ANKRD13D: variants seen among roughly 807,000 people sequenced by gnomAD.
ANKRD13D encodes the protein ankyrin repeat domain 13D.
A neutral mutation model predicts 68.8 loss-of-function variants in ANKRD13D; 24 were observed. The ratio of observed to expected loss-of-function variants is 0.35; its 90% confidence interval spans 0.25 to 0.49. The LOEUF (loss-of-function observed/expected upper bound fraction) is 0.49. Ranked by LOEUF, ANKRD13D falls within the 20% of genes least tolerant of loss-of-function variation. The pLI, the probability that ANKRD13D is intolerant of heterozygous loss-of-function variation, is 0.99. For synonymous variants in ANKRD13D, 331 were observed against 336.1 expected (o/e 0.98, Z 0.16); for missense variants, 735 against 832.1 (o/e 0.88, Z 1.44).
intron 1 of ANKRD13D, 125 bp downstream of exon 1, chr11:67,289,675 C>G (rs1860451246): frequency 8.0e-7 from 1 of 1,251,360 alleles, no homozygotes; most frequent in South Asian, 1.5e-5. Context: ...GGGCCTTCCT[C>G]CCCTGCACGA....
At position 67,299,282 on chromosome 11, in the gene ANKRD13D, AG is replaced by A. The variant is rs1860881336; in HGVS notation, c.798+161del. ...AGTGCCCAGCCCCTGCGGAGTACACAGGGCTCACCCACATCATGGGCCCCTA... is the reference window on the plus strand; with the variant it reads ...AGTGCCCAGCCCCTGCGGAGTACACAGGCTCACCCACATCATGGGCCCCTA... On this transcript the variant is annotated intron_variant, in intron 7 of 14. Transcript: ENST00000511455. The surrounding 1 kb of genome is among the most constrained non-coding windows in gnomAD (Gnocchi z 6.2). 1.2e-6 allele frequency: 1 copy of A among 868,408 alleles called. No homozygotes were observed. The highest frequency in any genetic ancestry group is 1.7e-5 in the African/African-American group (1 of 59,642). 53.8% of individuals were successfully genotyped at this position (868,408 alleles called of 1,614,324 possible). A position where few individuals can be genotyped will look rare whatever the true frequency, so the allele number is the denominator to read the frequency against.
At chr11:67,289,591 C>G in intron 1 of ANKRD13D, 41 bp downstream of exon 1, 2 of 1,505,900 alleles carry the variant, frequency 1.3e-6, no homozygotes, top group South Asian at 1.2e-5. Flanking sequence ...CCCCGGGTCC[C>G]CCACCCAAGG....
intron 6 of ANKRD13D, among the ~76,000 whole-genome samples, chr11:67,294,547 G>GT (rs1014060415): frequency 1.9e-3 from 277 of 143,844 alleles, no homozygotes; most frequent in Middle Eastern, 3.6e-3. Flanking sequence ...TTGTTTTTTT[G>GT]TTTTTTTTTT....
Position 67,300,174 on chromosome 11 carries a change from A to G in ANKRD13D, c.1073+51A>G, listed in dbSNP as rs1398659232. On this transcript the variant is annotated intron_variant, in intron 10 of 14. Transcript: ENST00000511455. The surrounding 1 kb of genome is among the most constrained non-coding windows in gnomAD (Gnocchi z 4.3). Reference sequence around the variant, plus strand: ...CTTGCCTCGGGACAAGGGCTCTTGCAGACCCCTCTCTGGGCCTGTCATAGT... The same window carrying G: ...CTTGCCTCGGGACAAGGGCTCTTGCGGACCCCTCTCTGGGCCTGTCATAGT... 2 of 1,608,596 alleles carry G rather than the reference A, an allele frequency of 1.2e-6. No homozygotes were observed. Among genetic ancestry groups the G allele is most frequent in the East Asian group, 2.2e-5 (1 of 44,852 alleles).
Position 67,301,452 on chromosome 11 carries a change from C to G in ANKRD13D, c.1349-36C>G, listed in dbSNP as rs756537010. ...GCACAGCTTTCTGGTCACCAAGCCCCGCGGGTTGAGCGTGGCCCCTCTGCC... is the reference window on the plus strand; with the variant it reads ...GCACAGCTTTCTGGTCACCAAGCCCGGCGGGTTGAGCGTGGCCCCTCTGCC... On this transcript the variant is annotated intron_variant, in intron 12 of 14. Coordinates refer to ENST00000511455, the MANE Select transcript of ANKRD13D (RefSeq NM_207354.3). The surrounding 1 kb of genome is among the most constrained non-coding windows in gnomAD (Gnocchi z 4.5). The G allele has an allele frequency of 4.4e-6, 7 of 1,608,092 alleles. No homozygotes were observed. Among genetic ancestry groups the G allele is most frequent in the Non-Finnish European group, 4.2e-6 (5 of 1,176,560 alleles).
chr11:67,299,013 G>A lies in ANKRD13D; in HGVS notation c.732-45G>A, dbSNP rs773604957. The A allele has an allele frequency of 1.1e-5, 17 of 1,602,532 alleles. No homozygotes were observed. In the East Asian group the frequency reaches 1.6e-4, roughly 15 times the overall value. On this transcript the variant is annotated intron_variant, in intron 6 of 14. Transcript: ENST00000511455. The surrounding 1 kb of genome is among the most constrained non-coding windows in gnomAD (Gnocchi z 6.2). ...TTTGGAAAGGAAGGCTTTGGCCAGC[G>A]TGTGAGGGTGCAGGTCTCACCAGCT...
At chr11:67,294,539 G>T (rs996526345) in intron 6 of ANKRD13D, among the ~76,000 whole-genome samples, 4 of 149,974 alleles carry the variant, frequency 2.7e-5, no homozygotes, top group Non-Finnish European at 3.0e-5. Flanking sequence ...GTTTTGTTTT[G>T]TTTTTTTGTT....
In ANKRD13D at chr11:67,299,207, G is replaced by A; in HGVS notation, c.798+83G>A. ...TCCTCTCCACATCCATCCCAGAGTAGCCCCTGGGCTCTGGAAACCCTGAGC... is the reference window on the plus strand; with the variant it reads ...TCCTCTCCACATCCATCCCAGAGTAACCCCTGGGCTCTGGAAACCCTGAGC... On this transcript the variant is annotated intron_variant, in intron 7 of 14. Transcript: ENST00000511455. The surrounding 1 kb of genome is among the most constrained non-coding windows in gnomAD (Gnocchi z 6.2). The A allele has an allele frequency of 6.6e-7, 1 of 1,521,110 alleles. No homozygotes were observed. 94.2% of individuals were successfully genotyped at this position (1,521,110 alleles called of 1,614,324 possible). A position where few individuals can be genotyped will look rare whatever the true frequency, so the allele number is the denominator to read the frequency against.
Position 67,296,652 on chromosome 11 carries a change from CAG to C in ANKRD13D, c.732-2403_732-2402del, listed in dbSNP as rs564707226. On this transcript the variant is annotated intron_variant, in intron 6 of 14. Transcript: ENST00000511455. Reference sequence around the variant, plus strand: ...GTTTTGTTTTGTTTTGTTTTTGAGACAGAGTCTTACTCTGTCACCCAGGCTGA... The same window carrying C: ...GTTTTGTTTTGTTTTGTTTTTGAGACAGTCTTACTCTGTCACCCAGGCTGA... Among the ~76,000 whole-genome samples, 397 of 150,644 alleles carry C rather than the reference CAG, an allele frequency of 2.6e-3. 2 individuals carry two copies. Among genetic ancestry groups the C allele is most frequent in the African/African-American group, 9.4e-3 (383 of 40,940 alleles).
intron 6 of ANKRD13D, among the ~76,000 whole-genome samples, chr11:67,293,373 C>T (rs1226832812): frequency 6.6e-6 from 1 of 152,194 alleles, no homozygotes; most frequent in Admixed American, 6.5e-5. Flanking sequence ...TGATAGCTCA[C>T]TGTGATTTTG....
Position 67,300,819 on chromosome 11 carries a change from G to C in ANKRD13D, c.1074-171G>C, listed in dbSNP as rs1046476964. 1.3e-6 allele frequency: 1 copy of C among 789,538 alleles called. No individual in the cohort carries two copies. The highest frequency in any genetic ancestry group is 1.8e-5 in the African/African-American group (1 of 57,096). The allele number at this position is 789,538 out of a possible 1,614,324, so 48.9% of individuals were successfully genotyped here. On this transcript the variant is annotated intron_variant, in intron 10 of 14. Coordinates refer to ENST00000511455, the MANE Select transcript of ANKRD13D (RefSeq NM_207354.3). The surrounding 1 kb of genome is among the most constrained non-coding windows in gnomAD (Gnocchi z 4.3). ...CAGGGAGGAGGGCAGCTTGGGCCAC[G>C]TGGCCAGGACACCAGCTCCCGGGGG...
intron 6 of ANKRD13D, 80 bp from the exon 7 acceptor site, chr11:67,298,978 T>C (rs973953882): frequency 6.6e-7 from 1 of 1,506,286 alleles, no homozygotes; most frequent in Admixed American, 1.7e-5. Context: ...GCAGGCTGGC[T>C]GGAGGGGGCT....
intron 14 of ANKRD13D, 94 bp from the exon 15 acceptor site, chr11:67,302,025 C>T (rs1003223300): frequency 1.4e-6 from 2 of 1,434,428 alleles, no homozygotes; most frequent in East Asian, 2.5e-5. Context: ...CTGTCTTTGC[C>T]TTTGTCCTCC....
rs777308257 is a variant in ANKRD13D at position 67,301,665 on chromosome 11, A to C, written c.1512+14A>C. 3.1e-6 allele frequency: 5 copies of C among 1,611,398 alleles called. No individual in the cohort carries two copies. The South Asian group carries it at 5.5e-5, about 18-fold the overall frequency. On this transcript the variant is annotated intron_variant, in intron 13 of 14. Coordinates refer to ENST00000511455, the MANE Select transcript of ANKRD13D (RefSeq NM_207354.3). The surrounding 1 kb of genome is among the most constrained non-coding windows in gnomAD (Gnocchi z 4.5). ...GAGGCGGAGCAGGTGGGACTTGCCC[A>C]GGGGGTGGGCTCTGGCCTCTGCAGC...
intron 6 of ANKRD13D, among the ~76,000 whole-genome samples, chr11:67,293,371 C>G (rs962463737): frequency 3.9e-5 from 6 of 152,326 alleles, no homozygotes; most frequent in Non-Finnish European, 7.3e-5. Context: ...AGTGATAGCT[C>G]ACTGTGATTT....
At chr11:67,295,348 C>T (rs576013395) in intron 6 of ANKRD13D, among the ~76,000 whole-genome samples, 1 of 151,858 alleles carries the variant, frequency 6.6e-6, no homozygotes, top group African/African-American at 2.4e-5. Context: ...ACCCGGGAGG[C>T]AGAGCTTGCA....
At chr11:67,293,926 G>C (rs886876486) in intron 6 of ANKRD13D, among the ~76,000 whole-genome samples, 1 of 152,190 alleles carries the variant, frequency 6.6e-6, no homozygotes, top group South Asian at 2.1e-4. Context: ...TAATTTTTGT[G>C]TATAGTGGAA....
At chr11:67,289,818 C>T (rs1860457896) in intron 1 of ANKRD13D, 1 of 1,425,780 alleles carries the variant, frequency 7.0e-7, no homozygotes, top group South Asian at 1.5e-5. Flanking sequence ...AACTCTGGTC[C>T]TGGTCCCCAG....
In ANKRD13D at chr11:67,299,332, G is replaced by A; in HGVS notation, c.799-198G>A. On this transcript the variant is annotated intron_variant, in intron 7 of 14. Transcript: ENST00000511455. The surrounding 1 kb of genome is among the most constrained non-coding windows in gnomAD (Gnocchi z 6.2). ...TACCCAGGGTACCGAGATCAAAAGA[G>A]GAGTGTGTTCCTCTTGACCCTGGGG... 1.4e-6 allele frequency: 1 copy of A among 717,750 alleles called. No homozygotes were observed. 44.5% of individuals were successfully genotyped at this position (717,750 alleles called of 1,614,324 possible).
Sources: gnomAD v4.1 joint callset for allele counts (sites outside exome capture counted in the v4.1 genomes callset) on GRCh38, gnomAD v4.1.1 for gene constraint, Gnocchi (gnomAD v3.1) non-coding constraint, MANE v1.5 for transcripts, NCBI Gene and HGNC (gene_info 2026-07-23, HGNC 2026-07-21) for gene names.